The following TTN variants were observed in gnomAD, a reference collection of about 807,000 sequenced individuals.
TTN encodes the protein titin.
Under a neutral mutation model 3,223.0 loss-of-function variants are expected in TTN, and 1,525 were observed. The observed-to-expected ratio is 0.47, with a 90% CI of 0.45 to 0.49. The LOEUF (loss-of-function observed/expected upper bound fraction) is 0.49. Among genes scored for constraint, TTN ranks in the 20% least tolerant of loss-of-function variants. The probability of loss-of-function intolerance (pLI) is 0.00; values close to 1 mark genes in which losing one functional copy is unlikely to be tolerated. For synonymous variants in TTN, 14,094 were observed against 15,161.0 expected (o/e 0.93, Z 5.17); for missense variants, 40,786 against 43,424.0 (o/e 0.94, Z 5.40).
chr2:178,744,021 T>A (rs2082980644), intron 47 of TTN, among the ~76,000 whole-genome samples: 1 of 151,890 alleles, frequency 6.6e-6, no homozygotes, highest in Non-Finnish European at 1.5e-5. Flanking sequence ...TTAATTTGGA[T>A]AGCTGTTAGA....
At position 178,733,055 on chromosome 2, in the gene TTN, C is replaced by T. The variant is rs375577529; in HGVS notation, c.16121G>A (p.Cys5374Tyr). The T allele has an allele frequency of 1.2e-4, 192 of 1,612,574 alleles. No individual in the cohort carries two copies. The highest frequency in any genetic ancestry group is 1.5e-4 in the Non-Finnish European group (177 of 1,179,228). ...GCCTGCAATTTTGCAGTCCAGTCTG[C>T]AGGTACCATTAACAACACTATCCAC... The part of the protein sequence containing the change: ...RNVDSVVNGT[C>Y]RLDCKIAGSL... Residue 5374 changes from cysteine (C) to tyrosine (Y), a missense_variant, in exon 55 of 363, where the codon TGC (cysteine) becomes TAC (tyrosine). Transcript: ENST00000589042.
chr2:178,636,750 T>G lies in TTN; in HGVS notation c.40977A>C (p.Leu13659Phe). 3 of 1,610,088 alleles carry G rather than the reference T, an allele frequency of 1.9e-6. No individual in the cohort carries two copies. The highest frequency in any genetic ancestry group is 2.5e-6 in the Non-Finnish European group (3 of 1,177,288). Residue 13659 changes from leucine to phenylalanine, a missense_variant, in exon 225 of 363, where the codon TTA becomes TTC. Transcript: ENST00000589042. This position sits in a 1 kb window ranked among gnomAD's most constrained non-coding sequence, Gnocchi z 4.3. ...GTTTCTCTCCACCACTTCCTGGCCT[T>G]AACTTTCTCCTTTCGGCTTCTATTG... Reference protein sequence around the residue: ...PSPIEAERRKLRPGSGGEKPP... With the variant: ...PSPIEAERRKFRPGSGGEKPP...
rs190432620 is a variant in TTN, at chr2:178,587,597, G to A, written c.63712C>T (p.Arg21238Cys). The A allele has an allele frequency of 1.1e-5, 18 of 1,612,434 alleles. No homozygotes were observed. The highest frequency in any genetic ancestry group is 4.4e-5 in the South Asian group (4 of 91,022). The change falls in exon 306 of 363, where the codon CGT becomes TGT. Residue 21238 changes from arginine to cysteine, a missense_variant. Coordinates refer to ENST00000589042, the MANE Select transcript of TTN (RefSeq NM_001267550.2). ...AAGGAATATTTTCCTGAGTCATCACGGGTAGAATTGGGGATGACAAGGAAG... is the reference window on the plus strand; with the variant it reads ...AAGGAATATTTTCCTGAGTCATCACAGGTAGAATTGGGGATGACAAGGAAG... ...MAFLVIPNST[R>C]DDSGKYSLTL...
At chr2:178,769,341 C>T (rs117552354) in intron 37 of TTN, among the ~76,000 whole-genome samples, 1 of 151,940 alleles carries the variant, frequency 6.6e-6, no homozygotes, top group African/African-American at 2.4e-5. Context: ...GCAGCCTTGG[C>T]CTTCTGGGCC....
chr2:178,706,469 C>T lies in TTN; in HGVS notation c.29405G>A (p.Arg9802Lys). The change falls in exon 102 of 363, where the codon AGA (arginine) becomes AAA (lysine). Residue 9802 changes from arginine (R) to lysine (K), a missense_variant. Transcript: ENST00000589042. ...TTGAACTCACTTTTTCAGCATTGCT[C>T]TAAGATCGCCTTCAATTTTCTCTTG... ...KKQEKIEGDL[R>K]AMLKKTPILK... 6.2e-7 allele frequency: 1 copy of T among 1,612,780 alleles called. No individual in the cohort carries two copies. Among genetic ancestry groups the T allele is most frequent in the South Asian group, 1.1e-5 (1 of 90,966 alleles).
chr2:178,560,518 CT>C lies in TTN; in HGVS notation c.85613del (p.Glu28538GlyfsTer3). On this transcript the variant is annotated frameshift_variant, in exon 326 of 363. Coordinates refer to ENST00000589042, the MANE Select transcript of TTN (RefSeq NM_001267550.2). LOFTEE classifies it high-confidence loss of function. ...GATCTAGTGCCTTTATAGCTACACT[CT>C]CTAGGGGCTCACCAACACCATATTT... ...VNKYGVGEPL[E>X]SVAIKALDPF... The C allele has an allele frequency of 6.2e-7, 1 of 1,613,094 alleles. No homozygotes were observed. The highest frequency in any genetic ancestry group is 8.5e-7 in the Non-Finnish European group (1 of 1,179,496).
rs397517507 is a variant in TTN at position 178,718,746 on chromosome 2, C to T, written c.24454G>A (p.Val8152Ile). 73 of 1,613,608 alleles carry T rather than the reference C, an allele frequency of 4.5e-5. No homozygotes were observed. In the East Asian group the frequency reaches 7.4e-4, roughly 16 times the overall value. Residue 8152 changes from valine (V) to isoleucine (I), a missense_variant, in exon 84 of 363, where the codon GTT becomes ATT. Coordinates refer to ENST00000589042, the MANE Select transcript of TTN (RefSeq NM_001267550.2). ...PLESGDYSCL[V>I]TNDAGSASCT... is the part of the protein sequence containing the mutation. Reference sequence around the variant, plus strand: ...GAAGCACTGCCAGCATCATTTGTAACGAGGCAAGAATAGTCTCCACTTTCT... The same window carrying T: ...GAAGCACTGCCAGCATCATTTGTAATGAGGCAAGAATAGTCTCCACTTTCT...
At position 178,527,623 on chromosome 2, in the gene TTN, A is replaced by G; in HGVS notation, c.107503T>C (p.Phe35835Leu). 2 of 1,614,000 alleles carry G rather than the reference A, an allele frequency of 1.2e-6. No homozygotes were observed. The highest frequency in any genetic ancestry group is 1.7e-6 in the Non-Finnish European group (2 of 1,179,860). ...ASKQEASFSS[F>L]SSSSASSMTE... ...ATGCTGCTAGCACTGCTGCTGCTGA[A>G]ACTGCTGAAGGAGGCCTCCTGCTTG... The change falls in exon 362 of 363, where the codon TTC becomes CTC. Residue 35835 changes from phenylalanine (F) to leucine (L), a missense_variant. Physicochemically the swap from Phe to Leu is conservative, Grantham distance 22. Coordinates refer to ENST00000589042, the MANE Select transcript of TTN (RefSeq NM_001267550.2).
At position 178,702,173 on chromosome 2, in the gene TTN, G is replaced by C; in HGVS notation, c.30506C>G (p.Thr10169Arg). The change falls in exon 108 of 363, where the codon ACG (threonine) becomes AGG (arginine). Residue 10169 changes from threonine (T) to arginine (R), a missense_variant. Physicochemically the swap from Thr to Arg is moderately conservative, Grantham distance 71 (BLOSUM62 -1). Coordinates refer to ENST00000589042, the MANE Select transcript of TTN (RefSeq NM_001267550.2). ...ARSTAELYLT[T>R]KEIKLELKPP... ...TTCTGATGGCGCTACCTCACCTTTCGTCGTTAGGTACAGCTCTGCCGTGCT... is the reference window on the plus strand; with the variant it reads ...TTCTGATGGCGCTACCTCACCTTTCCTCGTTAGGTACAGCTCTGCCGTGCT... The C allele has an allele frequency of 6.2e-7, 1 of 1,613,894 alleles. No homozygotes were observed. Among genetic ancestry groups the C allele is most frequent in the Non-Finnish European group, 8.5e-7 (1 of 1,179,872 alleles).
intron 1 of TTN, among the ~76,000 whole-genome samples, chr2:178,806,587 T>C (rs774647797): frequency 2.1e-4 from 32 of 152,264 alleles, no homozygotes; most frequent in Admixed American, 1.4e-3. Context: ...CCAGCTTAAA[T>C]TGATCTTACA....
At position 178,586,942 on chromosome 2, in the gene TTN, C is replaced by T. The variant is rs72646858; in HGVS notation, c.64094-135G>A. 0.013 allele frequency: 17,388 copies of T among 1,361,828 alleles called. 156 individuals carry two copies. The highest frequency in any genetic ancestry group is 0.016 in the Non-Finnish European group (15,738 of 988,606). 84.4% of individuals were successfully genotyped at this position (1,361,828 alleles called of 1,614,324 possible). A position where few individuals can be genotyped will look rare whatever the true frequency, so the allele number is the denominator to read the frequency against. On this transcript the variant is annotated intron_variant, in intron 307 of 362. Transcript: ENST00000589042. ...GTAGTTCAGTACATTAAAAGCAAAA[C>T]ATATAAGATGAGACAGATCAAAAAA...
intron 214 of TTN, 84 bp from the exon 215 acceptor site, chr2:178,647,228 A>C (rs1053493572): frequency 5.3e-6 from 6 of 1,135,348 alleles, no homozygotes; most frequent in Non-Finnish European, 7.4e-6. Context: ...ACCTAGTTAC[A>C]TTAAGTAACA....
In TTN at chr2:178,587,241, T is replaced by C; in HGVS notation, c.63970A>G (p.Ser21324Gly). 6.2e-7 allele frequency: 1 copy of C among 1,613,240 alleles called. No individual in the cohort carries two copies. The highest frequency in any genetic ancestry group is 8.5e-7 in the Non-Finnish European group (1 of 1,179,478). ...GGGACAAGATTGGTTACATGGAAGC[T>C]TGTTTTCTTAACTTCTGGGGTAACG... The part of the protein sequence containing the change: ...STVTPEVKKT[S>G]FHVTNLVPGN... The change falls in exon 307 of 363, where the codon AGC (serine) becomes GGC (glycine). Residue 21324 changes from serine (S) to glycine (G), a missense_variant. By Grantham distance (56) the Ser-to-Gly change is moderately conservative. Transcript: ENST00000589042.
In TTN at chr2:178,729,406, T is replaced by C. The variant is rs771369521; in HGVS notation, c.18750A>G (p.Arg6250=). ...TTATATGGAGGTTAAACACAGACAC[T>C]CTGTCGGTCAATGTGTATTTTTTGC... ...RSSKKYTLTD[R]VSVFNLHITK... Residue 6250 remains arginine (R), a synonymous_variant, in exon 64 of 363, where the codon AGA becomes AGG. Transcript: ENST00000589042. The C allele has an allele frequency of 6.2e-7, 1 of 1,613,682 alleles. No homozygotes were observed. The highest frequency in any genetic ancestry group is 8.5e-7 in the Non-Finnish European group (1 of 1,179,686).
In TTN at chr2:178,741,480, T is replaced by C. The variant is rs779039698; in HGVS notation, c.11753A>G (p.Asp3918Gly). 4.3e-6 allele frequency: 7 copies of C among 1,613,744 alleles called. No individual in the cohort carries two copies. Among genetic ancestry groups the C allele is most frequent in the Non-Finnish European group, 5.9e-6 (7 of 1,179,820 alleles). The change falls in exon 48 of 363, where the codon GAC becomes GGC. Residue 3918 changes from aspartate (D) to glycine (G), a missense_variant. Coordinates refer to ENST00000589042, the MANE Select transcript of TTN (RefSeq NM_001267550.2). ...TGCCACTGCTGATTCTGTTTCAGTG[T>C]CTTTGTGACCCTCTCCTTTGGAATT... ...KINSKGEGHKDTETESAVAKS... is the reference protein window; with the variant it reads ...KINSKGEGHKGTETESAVAKS...
chr2:178,562,754 T>C lies in TTN; in HGVS notation c.83378A>G (p.Asp27793Gly). 1 of 1,612,698 alleles carries C rather than the reference T, an allele frequency of 6.2e-7. No individual in the cohort carries two copies. Among genetic ancestry groups the C allele is most frequent in the Non-Finnish European group, 8.5e-7 (1 of 1,179,198 alleles). The change falls in exon 326 of 363, where the codon GAT (aspartate) becomes GGT (glycine). Residue 27793 changes from aspartate (D) to glycine (G), a missense_variant. Asp to Gly is a moderately conservative substitution (Grantham distance 94, BLOSUM62 -1). Coordinates refer to ENST00000589042, the MANE Select transcript of TTN (RefSeq NM_001267550.2). ...VTLSWEPPLI[D>G]GGAKITNYIV... ...GTAGTTTGTAATCTTAGCTCCACCATCAATAAGTGGTGGTTCCCAGGACAA... is the reference window on the plus strand; with the variant it reads ...GTAGTTTGTAATCTTAGCTCCACCACCAATAAGTGGTGGTTCCCAGGACAA...
Position 178,563,705 on chromosome 2 carries a change from G to C in TTN, c.82427C>G (p.Pro27476Arg), listed in dbSNP as rs2154161598. 6.2e-7 allele frequency: 1 copy of C among 1,613,780 alleles called. No individual in the cohort carries two copies. The change falls in exon 326 of 363, where the codon CCT (proline) becomes CGT (arginine). Residue 27476 changes from proline to arginine, a missense_variant. Pro to Arg is a moderately radical substitution (Grantham distance 103). Coordinates refer to ENST00000589042, the MANE Select transcript of TTN (RefSeq NM_001267550.2). This position sits in a 1 kb window ranked among gnomAD's most constrained non-coding sequence, Gnocchi z 4.5. ...ATCTTTGGTGATTGCTGAGACTTCA[G>C]GTGTTGAGGGAGGACCTGGTGGCTT... is the stretch of plus-strand genomic sequence containing the variant. ...PYKPPGPPST[P>R]EVSAITKDSM...
rs374490159 is a variant in TTN at position 178,768,844 on chromosome 2, A to T, written c.8992T>A (p.Ser2998Thr). Reference protein sequence around the residue: ...FEVTVNYEGISYKWLKNGVEI... With the variant: ...FEVTVNYEGITYKWLKNGVEI... ...ACACCATTCTTTAACCATTTGTAAG[A>T]GATGCCTTCATAGTTCACTGTCACC... is the stretch of plus-strand genomic sequence containing the variant. The change falls in exon 38 of 363, where the codon TCT becomes ACT. Residue 2998 changes from serine to threonine, a missense_variant. Ser to Thr is a moderately conservative substitution (Grantham distance 58). Transcript: ENST00000589042. The T allele has an allele frequency of 1.9e-6, 3 of 1,613,972 alleles. No homozygotes were observed. Among genetic ancestry groups the T allele is most frequent in the South Asian group, 1.1e-5 (1 of 91,082 alleles).
Position 178,561,936 on chromosome 2 carries a change from C to T in TTN, c.84196G>A (p.Glu28066Lys), listed in dbSNP as rs1703825463. The T allele has an allele frequency of 1.9e-6, 3 of 1,613,484 alleles. No individual in the cohort carries two copies. The highest frequency in any genetic ancestry group is 2.5e-6 in the Non-Finnish European group (3 of 1,179,658). ...PGPPGPIRID[E>K]VSCDSITISW... Reference sequence around the variant, plus strand: ...ATGGTTATGCTGTCACAACTAACCTCATCAATACGTATAGGACCTGGAGGT... The same window carrying T: ...ATGGTTATGCTGTCACAACTAACCTTATCAATACGTATAGGACCTGGAGGT... Residue 28066 changes from glutamate (E) to lysine (K), a missense_variant, in exon 326 of 363, where the codon GAG (glutamate) becomes AAG (lysine). Glu to Lys is a moderately conservative substitution (Grantham distance 56). Transcript: ENST00000589042.
Sources: gnomAD v4.1 joint callset for allele counts (sites outside exome capture counted in the v4.1 genomes callset) on GRCh38, gnomAD v4.1.1 for gene constraint, Gnocchi (gnomAD v3.1) non-coding constraint, MANE v1.5 for transcripts, NCBI Gene and HGNC (gene_info 2026-07-23, HGNC 2026-07-21) for gene names.